The following ANO4 variants were observed in gnomAD, a reference collection of about 807,000 sequenced individuals.
ANO4 encodes anoctamin-4.
A neutral mutation model predicts 141.9 loss-of-function variants in ANO4; 69 were observed. That is an observed-to-expected ratio of 0.49 (90% CI 0.40 to 0.59). The LOEUF is 0.59. Among genes scored for constraint, ANO4 ranks in the 20% least tolerant of loss-of-function variants. ANO4 has a pLI of 0.00. For missense variants in ANO4, 894 were observed against 1,162.2 expected, an observed-to-expected ratio of 0.77 and a Z score of 3.36; for synonymous variants, 350 against 394.3, an observed-to-expected ratio of 0.89 and a Z score of 1.33.
rs1393043987 is a variant in ANO4 at position 100,984,630 on chromosome 12, C to G, written c.603-2909C>G. Among the ~76,000 whole-genome samples the G allele has an allele frequency of 2.6e-5, 4 of 152,116 alleles. No individual in the cohort carries two copies. The East Asian group carries it at 7.7e-4, about 29-fold the overall frequency. ...TGTTACTATTACCTCTATTTTATAA[C>G]CTTGGAAAAGAAGGCTCTGAAGGGT... On this transcript the variant is annotated intron_variant, in intron 7 of 27. Coordinates refer to ENST00000392977, the MANE Select transcript of ANO4 (RefSeq NM_001286615.2).
chr12:100,963,893 A>C (rs1238562256), intron 5 of ANO4, among the ~76,000 whole-genome samples: 1 of 152,180 alleles, frequency 6.6e-6, no homozygotes, highest in African/African-American at 2.4e-5. Context: ...GGAAGAAAGA[A>C]ATTCTCACTT....
At chr12:100,908,579 T>G (rs1475626360) in intron 2 of ANO4, among the ~76,000 whole-genome samples, 2 of 152,232 alleles carry the variant, frequency 1.3e-5, no homozygotes, top group African/African-American at 2.4e-5. Context: ...AGGTAGAATA[T>G]GATTTCAGTT....
intron 1 of ANO4, among the ~76,000 whole-genome samples, chr12:100,844,930 G>T (rs2037480161): frequency 6.6e-6 from 1 of 152,010 alleles, no homozygotes; most frequent in Non-Finnish European, 1.5e-5. Flanking sequence ...TTAATTAGTG[G>T]GTAGAGAAAG....
At chr12:101,086,113 TGTGTG>T (rs2049485741) in intron 16 of ANO4, among the ~76,000 whole-genome samples, 1 of 150,688 alleles carries the variant, frequency 6.6e-6, no homozygotes, top group African/African-American at 2.5e-5. Flanking sequence ...TGTGTGTGTG[TGTGTG>T]TGTGTGTTCG....
intron 8 of ANO4, among the ~76,000 whole-genome samples, chr12:101,015,834 T>C (rs1456212689): frequency 2.0e-5 from 3 of 152,014 alleles, no homozygotes; most frequent in African/African-American, 7.2e-5. Context: ...TAGCTTACAT[T>C]GTGTGCATGA....
chr12:100,800,695 A>C (rs1452472305), intron 1 of ANO4, among the ~76,000 whole-genome samples: 1 of 152,206 alleles, frequency 6.6e-6, no homozygotes. Context: ...TGTTTCCTAG[A>C]ATCTTAAACT....
chr12:100,901,288 A>C (rs535161415), intron 1 of ANO4, among the ~76,000 whole-genome samples: 1 of 152,342 alleles, frequency 6.6e-6, no homozygotes, highest in South Asian at 2.1e-4. Context: ...GAGTTTAGCC[A>C]ACAACTTTGG....
At position 100,726,410 on chromosome 12, in the gene ANO4, T is replaced by G. The variant is rs1315468563; in HGVS notation, c.23-7364T>G. Among the ~76,000 whole-genome samples the G allele has an allele frequency of 2.0e-5, 3 of 152,228 alleles. No homozygotes were observed. In the East Asian group the frequency reaches 5.8e-4, roughly 29 times the overall value. On this transcript the variant is annotated intron_variant, in intron 1 of 29. Transcript: ENST00000644049. ...TCTCCCTTCCTGATTACACTTGTAA[T>G]TCTCCCATTCCTAGCGCAGGGCAGA...
In ANO4 at chr12:100,797,145, T is replaced by TAC. The variant is rs60067279; in HGVS notation, c.-141+2124_-141+2125dup. 7.9e-3 allele frequency among the ~76,000 whole-genome samples: 1,203 copies of TAC among 151,742 alleles called. 11 individuals are homozygous for TAC. Among genetic ancestry groups the TAC allele is most frequent in the East Asian group, 0.031 (162 of 5,174 alleles). ...ATATGTGTGTGTATATATATATATA[T>TAC]ACACACATATACAAGCGTGTACACA... On this transcript the variant is annotated intron_variant, in intron 1 of 27. Coordinates refer to ENST00000392977, the MANE Select transcript of ANO4 (RefSeq NM_001286615.2).
At position 100,788,921 on chromosome 12, in the gene ANO4, C is replaced by T. The variant is rs142095309; in HGVS notation, c.358+48816C>T. Among the ~76,000 whole-genome samples, 33 of 151,546 alleles carry T rather than the reference C, an allele frequency of 2.2e-4. 1 individual carries two copies. Among genetic ancestry groups the T allele is most frequent in the East Asian group, 1.2e-3 (6 of 5,148 alleles). On this transcript the variant is annotated intron_variant, in intron 3 of 29. Transcript: ENST00000644049. ...TGATTGAGGTGGGGAGTCAGGGAAG[C>T]GTTTCTGATAAGAAGCCATTCCAGG...
At chr12:101,025,655 A>T (rs963204163) in intron 9 of ANO4, among the ~76,000 whole-genome samples, 5 of 152,240 alleles carry the variant, frequency 3.3e-5, no homozygotes, top group African/African-American at 1.2e-4. Context: ...AATACTCAGA[A>T]AAGTCTTTCC....
rs377200537 is a variant in ANO4 at position 100,934,769 on chromosome 12, A to G, written c.161-4546A>G. Among the ~76,000 whole-genome samples, 7 of 152,216 alleles carry G rather than the reference A, an allele frequency of 4.6e-5. No homozygotes were observed. In the East Asian group the frequency reaches 1.4e-3, roughly 29 times the overall value. Reference sequence around the variant, plus strand: ...GTTTGTGTCCTCTTTTACTTCATTGAGCAGTGGTTTGTAGTTCTCCTTGAA... The same window carrying G: ...GTTTGTGTCCTCTTTTACTTCATTGGGCAGTGGTTTGTAGTTCTCCTTGAA... On this transcript the variant is annotated intron_variant, in intron 3 of 27. Coordinates refer to ENST00000392977, the MANE Select transcript of ANO4 (RefSeq NM_001286615.2).
At chr12:100,816,045 T>G (rs1426915438) in intron 1 of ANO4, among the ~76,000 whole-genome samples, 1 of 152,078 alleles carries the variant, frequency 6.6e-6, no homozygotes, top group Non-Finnish European at 1.5e-5. Flanking sequence ...AACTCTTAAT[T>G]ATTCTTAATT....
At chr12:100,982,520 G>A (rs938098402) in intron 7 of ANO4, among the ~76,000 whole-genome samples, 3 of 152,192 alleles carry the variant, frequency 2.0e-5, no homozygotes, top group African/African-American at 7.2e-5. Context: ...ATTGGGAAAA[G>A]AGCAATCTAT....
intron 10 of ANO4, 130 bp from the exon 11 acceptor site, chr12:101,039,825 T>C (rs2047346314): frequency 2.0e-6 from 2 of 1,011,608 alleles, no homozygotes; most frequent in East Asian, 2.5e-5. Context: ...TGCCCTTTAA[T>C]AGAGAGGATT....
intron 6 of ANO4, among the ~76,000 whole-genome samples, chr12:100,972,823 A>C (rs556846258): frequency 4.6e-5 from 7 of 152,346 alleles, no homozygotes; most frequent in Admixed American, 2.0e-4. Flanking sequence ...CTTCTGCCAG[A>C]ACACACTTCT....
intron 15 of ANO4, among the ~76,000 whole-genome samples, chr12:101,080,870 ATATATATATATAT>A (rs1566219340): frequency 2.9e-5 from 2 of 68,482 alleles, no homozygotes; most frequent in African/African-American, 4.7e-5. Flanking sequence ...TTCTAGATAT[ATATATATATATAT>A]TATATATATA....
intron 5 of ANO4, among the ~76,000 whole-genome samples, chr12:100,943,051 A>C (rs941922314): frequency 3.3e-5 from 5 of 152,204 alleles, no homozygotes; most frequent in Admixed American, 2.0e-4. Context: ...CAGGTCCCCA[A>C]GCTCAAGAGT....
rs2044091703 is a variant in ANO4 at position 100,974,834 on chromosome 12, T to C, written c.558-11T>C. ...TCTTCTCGACTGGCTTCATTTTTGC[T>C]GTTCTTCCAGGAGAAAAATCTATTA... is the stretch of plus-strand genomic sequence containing the variant. On this transcript the variant is annotated splice_polypyrimidine_tract_variant and intron_variant, in intron 6 of 27. Coordinates refer to ENST00000392977, the MANE Select transcript of ANO4 (RefSeq NM_001286615.2). 3 of 1,613,940 alleles carry C rather than the reference T, an allele frequency of 1.9e-6. No individual in the cohort carries two copies. The highest frequency in any genetic ancestry group is 3.3e-5 in the Admixed American group (2 of 59,986).
Sources: gnomAD v4.1 joint callset for allele counts (sites outside exome capture counted in the v4.1 genomes callset) on GRCh38, gnomAD v4.1.1 for gene constraint, MANE v1.5 for transcripts, NCBI Gene and HGNC (gene_info 2026-07-23, HGNC 2026-07-21) for gene names.